SCN10A: variants seen among roughly 807,000 people sequenced by gnomAD.
SCN10A encodes sodium voltage-gated channel alpha subunit 10, also known as sodium channel protein type 10 subunit alpha.
In SCN10A, 162 loss-of-function variants were observed where a neutral mutation model predicts 170.7. That is an observed-to-expected ratio of 0.95 (90% confidence interval 0.84 to 1.08). The LOEUF is 1.08. SCN10A is among the 50% of genes least tolerant of loss of function. The pLI, the probability that SCN10A is intolerant of heterozygous loss-of-function variation, is 0.00. For synonymous variants in SCN10A, 985 were observed against 904.6 expected, an observed-to-expected ratio of 1.09 and a Z score of -1.59; for missense variants, 2,527 against 2,436.9, an observed-to-expected ratio of 1.04 and a Z score of -0.78.
Position 38,712,250 on chromosome 3 carries a change from T to C in SCN10A, c.4000A>G (p.Ile1334Val). 6.2e-7 allele frequency: 1 copy of C among 1,614,194 alleles called. No individual in the cohort carries two copies. Among genetic ancestry groups the C allele is most frequent in the Non-Finnish European group, 8.5e-7 (1 of 1,180,012 alleles). The part of the protein sequence containing the change: ...SIVNNKSDCK[I>V]QNSTGSFFWV... ...AAGAAGCTGCCAGTGGAGTTTTGAA[T>C]CTTGCAGTCAGACTTGTTATTCACA... is the stretch of plus-strand genomic sequence containing the variant. Residue 1334 changes from isoleucine (I) to valine (V), a missense_variant, in exon 23 of 28, where the codon ATT becomes GTT. Ile to Val is a conservative substitution (Grantham distance 29). Coordinates refer to ENST00000449082, the MANE Select transcript of SCN10A (RefSeq NM_006514.4).
At chr3:38,737,374 C>G (rs144343627) in intron 15 of SCN10A, among the ~76,000 whole-genome samples, 116 of 152,208 alleles carry the variant, frequency 7.6e-4, no homozygotes, top group African/African-American at 2.7e-3. Context: ...TGACCATTAG[C>G]TTAGGGGCCT....
intron 21 of SCN10A, among the ~76,000 whole-genome samples, chr3:38,717,912 G>C (rs1405994686): frequency 6.6e-6 from 1 of 152,258 alleles, no homozygotes; most frequent in Admixed American, 6.5e-5. Flanking sequence ...ATGAGGAAGA[G>C]ATGACTGAGG....
intron 14 of SCN10A, 29 bp downstream of exon 14, chr3:38,742,262 G>T: frequency 1.5e-6 from 2 of 1,358,810 alleles, no homozygotes; most frequent in Non-Finnish European, 2.0e-6. Flanking sequence ...GACCACGCCA[G>T]TGAGGGCAGT....
chr3:38,800,173 G>A (rs1559472092), intron 1 of SCN10A, among the ~76,000 whole-genome samples: 1 of 152,106 alleles, frequency 6.6e-6, no homozygotes, highest in Non-Finnish European at 1.5e-5. Flanking sequence ...AACAGACATT[G>A]ATGTTCTTAG....
At chr3:38,799,997 A>T (rs1242778307) in intron 1 of SCN10A, among the ~76,000 whole-genome samples, 1 of 152,174 alleles carries the variant, frequency 6.6e-6, no homozygotes, top group Non-Finnish European at 1.5e-5. Context: ...AAGGCAGTCC[A>T]TTGACTTTCT....
intron 1 of SCN10A, among the ~76,000 whole-genome samples, chr3:38,808,726 A>G (rs2064421705): frequency 6.6e-6 from 1 of 152,186 alleles, no homozygotes; most frequent in Admixed American, 6.5e-5. Context: ...TGCCCCAAAG[A>G]CGCTGAGGAT....
At chr3:38,766,983 T>C (rs748747222) in intron 5 of SCN10A, among the ~76,000 whole-genome samples, 7 of 152,110 alleles carry the variant, frequency 4.6e-5, no homozygotes, top group Non-Finnish European at 8.8e-5. Flanking sequence ...CAGGAATTTA[T>C]TCATCTCCTC....
chr3:38,756,531 C>G (rs954170421), intron 10 of SCN10A, 143 bp downstream of exon 10: 2 of 711,044 alleles, frequency 2.8e-6, no homozygotes, highest in African/African-American at 3.5e-5. Context: ...TTTGAGAAAA[C>G]CTGATCTAAT....
chr3:38,732,447 C>T, intron 15 of SCN10A, among the ~76,000 whole-genome samples: 1 of 152,188 alleles, frequency 6.6e-6, no homozygotes, highest in East Asian at 1.9e-4. Flanking sequence ...CCAACAAGCA[C>T]TGAATGTGCT....
Position 38,713,858 on chromosome 3 carries a change from C to A in SCN10A, c.3804+100G>T, listed in dbSNP as rs557160502. 4 of 1,474,726 alleles carry A rather than the reference C, an allele frequency of 2.7e-6. No individual in the cohort carries two copies. In the Admixed American group the frequency reaches 7.1e-5, roughly 26 times the overall value. The allele number at this position is 1,474,726 out of a possible 1,614,324, so 91.4% of individuals were successfully genotyped here. A position where few individuals can be genotyped will look rare whatever the true frequency, so the allele number is the denominator to read the frequency against. ...GGCCAGGGTGGTTTTGAACTCCTAA[C>A]CTCAGGTGATCCGCCCGCCTCAGCC... On this transcript the variant is annotated intron_variant, in intron 22 of 27. Coordinates refer to ENST00000449082, the MANE Select transcript of SCN10A (RefSeq NM_006514.4).
chr3:38,714,030 A>T lies in SCN10A; in HGVS notation c.3732T>A (p.Ala1244=), dbSNP rs762335602. 6.8e-6 allele frequency: 11 copies of T among 1,614,188 alleles called. No homozygotes were observed. In the South Asian group the frequency reaches 9.9e-5, roughly 15 times the overall value. Residue 1244 remains alanine, a synonymous_variant, in exon 22 of 28, where the codon GCT becomes GCA. Coordinates refer to ENST00000449082, the MANE Select transcript of SCN10A (RefSeq NM_006514.4). Reference sequence around the variant, plus strand: ...GAAGGGTTCGAAGGGCTTTGATGGGAGCCACTTCAGAATATTCCAGAATCT... The same window carrying T: ...GAAGGGTTCGAAGGGCTTTGATGGGTGCCACTTCAGAATATTCCAGAATCT... The part of the protein sequence containing the change: ...TAKILEYSEV[A]PIKALRTLRA...
Position 38,715,337 on chromosome 3 carries a change from A to G in SCN10A, c.3682-1257T>C, listed in dbSNP as rs148429438. On this transcript the variant is annotated intron_variant, in intron 21 of 27. Transcript: ENST00000449082. ...CACTGCTCAGCCCACTAGCCTCCCAAGTAGTCTCCAGGCCCTAGTACTGCA... is the reference window on the plus strand; with the variant it reads ...CACTGCTCAGCCCACTAGCCTCCCAGGTAGTCTCCAGGCCCTAGTACTGCA... Among the ~76,000 whole-genome samples the G allele has an allele frequency of 1.3e-3, 201 of 152,226 alleles. 2 individuals carry two copies. The highest frequency in any genetic ancestry group is 4.7e-3 in the African/African-American group (194 of 41,524).
chr3:38,727,271 A>G (rs1302461351), intron 16 of SCN10A, among the ~76,000 whole-genome samples: 1 of 152,174 alleles, frequency 6.6e-6, no homozygotes, highest in African/African-American at 2.4e-5. Flanking sequence ...GAGGCTTGGA[A>G]GCATATTTTC....
intron 13 of SCN10A, among the ~76,000 whole-genome samples, chr3:38,747,789 G>A (rs552170259): frequency 2.6e-5 from 4 of 152,264 alleles, no homozygotes; most frequent in South Asian, 2.1e-4. Flanking sequence ...TTGTGTCTGC[G>A]AACTTTCTCC....
chr3:38,781,747 T>A (rs1348197071), intron 4 of SCN10A, among the ~76,000 whole-genome samples: 1 of 152,158 alleles, frequency 6.6e-6, no homozygotes, highest in Non-Finnish European at 1.5e-5. Flanking sequence ...TAAAGATGTG[T>A]TTGAGCCTAG....
At position 38,739,669 on chromosome 3, in the gene SCN10A, G is replaced by A. The variant is rs1182244019; in HGVS notation, c.2126C>T (p.Thr709Ile). ...IGNIVFTIFFTAEMVFKIIAF... is the reference protein window; with the variant it reads ...IGNIVFTIFFIAEMVFKIIAF... ...AATGATTTTGAAGACCATTTCAGCA[G>A]TAAAAAATATGGTAAAGACCTAGGA... The change falls in exon 15 of 28, where the codon ACT (threonine) becomes ATT (isoleucine). Residue 709 changes from threonine to isoleucine, a missense_variant. Coordinates refer to ENST00000449082, the MANE Select transcript of SCN10A (RefSeq NM_006514.4). 1 of 1,613,940 alleles carries A rather than the reference G, an allele frequency of 6.2e-7. No individual in the cohort carries two copies.
intron 4 of SCN10A, 42 bp downstream of exon 4, chr3:38,788,914 A>G: frequency 8.2e-7 from 1 of 1,222,550 alleles, no homozygotes; most frequent in Non-Finnish European, 1.2e-6. Context: ...AAGAAAAGAA[A>G]GCAAAAAGAG....
chr3:38,697,427 T>C lies in SCN10A; in HGVS notation c.5793A>G (p.Arg1931=). The C allele has an allele frequency of 6.2e-7, 1 of 1,614,226 alleles. No individual in the cohort carries two copies. Among genetic ancestry groups the C allele is most frequent in the African/African-American group, 1.3e-5 (1 of 75,068 alleles). ...TTGAGCTAGATGTCCTCATGTTGAC[T>C]CTATCACTAAGGCCTCTAGTGACAC... The part of the protein sequence containing the change: ...YESVTRGLSD[R]VNMRTSSSIQ... The change falls in exon 28 of 28, where the codon AGA becomes AGG. Residue 1931 remains arginine (R), a synonymous_variant. Transcript: ENST00000449082.
intron 4 of SCN10A, among the ~76,000 whole-genome samples, chr3:38,778,357 G>A (rs1266374885): frequency 9.2e-5 from 14 of 151,954 alleles, no homozygotes; most frequent in Non-Finnish European, 2.9e-5. Flanking sequence ...GAGTAGGAAA[G>A]TTCTAGTCTT....
Sources: allele counts gnomAD v4.1 joint callset (sites outside exome capture counted in the v4.1 genomes callset), GRCh38; gene constraint gnomAD v4.1.1; transcripts MANE v1.5; gene names NCBI Gene and HGNC (gene_info 2026-07-23, HGNC 2026-07-21).